Variants in CCSER1 observed in about 807,000 individuals in gnomAD.
CCSER1 encodes the protein serine-rich coiled-coil domain-containing protein 1.
In CCSER1, 41 loss-of-function variants were observed where a neutral mutation model predicts 82.0. The observed-to-expected ratio is 0.50, with a 90% CI of 0.39 to 0.65. The LOEUF (loss-of-function observed/expected upper bound fraction) is 0.65, where lower values mean the gene tolerates loss of function less well. Among genes scored for constraint, CCSER1 ranks in the 30% least tolerant of loss-of-function variants. The pLI, the probability that CCSER1 is intolerant of heterozygous loss-of-function variation, is 0.00. For synonymous variants in CCSER1, 414 were observed against 383.9 expected (o/e 1.08, Z -0.92); for missense variants, 1,119 against 1,064.2 (o/e 1.05, Z -0.72).
At chr4:90,500,449 A>C (rs1699431640) in intron 5 of CCSER1, among the ~76,000 whole-genome samples, 1 of 151,968 alleles carries the variant, frequency 6.6e-6, no homozygotes, top group Non-Finnish European at 1.5e-5. Flanking sequence ...CTGGTGCCTC[A>C]GCCCCCTGAG....
chr4:90,537,626 T>A (rs1279783760), intron 5 of CCSER1, among the ~76,000 whole-genome samples: 1 of 152,204 alleles, frequency 6.6e-6, no homozygotes, highest in Non-Finnish European at 1.5e-5. Flanking sequence ...GTGGTTGCTT[T>A]GTATGAAGGA....
intron 3 of CCSER1, among the ~76,000 whole-genome samples, chr4:90,386,901 G>C (rs56066724): frequency 6.6e-6 from 1 of 151,846 alleles, no homozygotes; most frequent in East Asian, 1.9e-4. Context: ...CAACTAATAT[G>C]GTGTTTTTTT....
intron 1 of CCSER1, among the ~76,000 whole-genome samples, chr4:90,299,121 CA>C (rs1560975709): frequency 6.6e-6 from 1 of 151,898 alleles, no homozygotes; most frequent in Non-Finnish European, 1.5e-5. Context: ...TTAATTAATC[CA>C]AACGACTCAT....
In CCSER1 at chr4:91,171,093, A is replaced by T. The variant is rs183794326; in HGVS notation, c.2217+85099A>T. Among the ~76,000 whole-genome samples the T allele has an allele frequency of 7.7e-4, 118 of 152,274 alleles. 5 individuals are homozygous for T. Among genetic ancestry groups the T allele is most frequent in the East Asian group, 3.9e-4 (2 of 5,190 alleles). ...TGTCTAGGACAAACTTTTTTTTTCC[A>T]AAATAGAATAGAAACATATTTGCAA... On this transcript the variant is annotated intron_variant, in intron 10 of 10. Coordinates refer to ENST00000509176, the MANE Select transcript of CCSER1 (RefSeq NM_001145065.2).
At chr4:91,280,971 T>C (rs1742869678) in intron 10 of CCSER1, among the ~76,000 whole-genome samples, 1 of 152,100 alleles carries the variant, frequency 6.6e-6, no homozygotes, top group Non-Finnish European at 1.5e-5. Flanking sequence ...CAGTGTGAGC[T>C]CCCTCTATGA....
At chr4:91,029,085 C>G (rs1161447139) in intron 9 of CCSER1, among the ~76,000 whole-genome samples, 3 of 151,802 alleles carry the variant, frequency 2.0e-5, no homozygotes, top group African/African-American at 7.3e-5. Flanking sequence ...TCAAAACAAG[C>G]TCAGGAAAAA....
At chr4:91,545,824 T>G (rs1318425455) in intron 10 of CCSER1, among the ~76,000 whole-genome samples, 1 of 152,170 alleles carries the variant, frequency 6.6e-6, no homozygotes, top group African/African-American at 2.4e-5. Flanking sequence ...AGTAAAATGT[T>G]GAAAACAGTG....
chr4:90,340,540 G>A (rs950765646), intron 3 of CCSER1, among the ~76,000 whole-genome samples: 1 of 152,026 alleles, frequency 6.6e-6, no homozygotes, highest in Non-Finnish European at 1.5e-5. Flanking sequence ...GGATTCAAAG[G>A]AAATTATAAT....
At chr4:90,523,411 G>A (rs765517055) in intron 5 of CCSER1, among the ~76,000 whole-genome samples, 3 of 151,922 alleles carry the variant, frequency 2.0e-5, no homozygotes, top group African/African-American at 4.8e-5. Flanking sequence ...TTCCTCTCTG[G>A]TACCAGCCTT....
At chr4:90,932,957 A>AGGAAAGAAAG in intron 9 of CCSER1, among the ~76,000 whole-genome samples, 1 of 40,828 alleles carries the variant, frequency 2.4e-5, no homozygotes, top group African/African-American at 2.2e-4. Context: ...AAAGAAAGAA[A>AGGAAAGAAAG]GAAAGAAAGA....
chr4:90,954,033 A>T (rs1045852565), intron 9 of CCSER1, among the ~76,000 whole-genome samples: 1 of 141,990 alleles, frequency 7.0e-6, no homozygotes, highest in African/African-American at 2.6e-5. Context: ...TTGAATGCTT[A>T]CCAATTTGGA....
At chr4:90,609,227 T>C (rs1785141200) in intron 5 of CCSER1, among the ~76,000 whole-genome samples, 1 of 152,158 alleles carries the variant, frequency 6.6e-6, no homozygotes, top group South Asian at 2.1e-4. Context: ...AAATCAGACA[T>C]AGTGTGATCA....
intron 5 of CCSER1, among the ~76,000 whole-genome samples, chr4:90,623,634 T>C (rs1038265484): frequency 1.3e-5 from 2 of 152,202 alleles, no homozygotes; most frequent in South Asian, 2.1e-4. Flanking sequence ...TATCTAAATG[T>C]ACTGTTAAGT....
At chr4:90,640,687 C>A (rs1726336364) in intron 6 of CCSER1, among the ~76,000 whole-genome samples, 1 of 152,108 alleles carries the variant, frequency 6.6e-6, no homozygotes, top group Non-Finnish European at 1.5e-5. Flanking sequence ...TTCTCCCATG[C>A]TGTTCTTGTG....
chr4:90,170,404 CTTT>C (rs60642438), intron 1 of CCSER1, among the ~76,000 whole-genome samples: 1 of 142,080 alleles, frequency 7.0e-6, no homozygotes. Flanking sequence ...AACAGCTAAC[CTTT>C]TTTTTTTTTT....
intron 1 of CCSER1, among the ~76,000 whole-genome samples, chr4:90,233,474 G>A (rs1405733755): frequency 6.6e-6 from 1 of 152,092 alleles, no homozygotes; most frequent in African/African-American, 2.4e-5. Flanking sequence ...GGACTGTTGT[G>A]GGGTGGGGAA....
At chr4:90,531,765 G>A (rs1167022320) in intron 5 of CCSER1, among the ~76,000 whole-genome samples, 1 of 151,986 alleles carries the variant, frequency 6.6e-6, no homozygotes, top group African/African-American at 2.4e-5. Flanking sequence ...ATACATACAC[G>A]CATGCATACA....
chr4:90,694,768 C>A (rs978517511), intron 6 of CCSER1, among the ~76,000 whole-genome samples: 20 of 150,184 alleles, frequency 1.3e-4, no homozygotes, highest in African/African-American at 4.9e-4. Flanking sequence ...GTATATTTGG[C>A]ACTTTCTCAA....
At chr4:91,174,875 A>G (rs6532280) in intron 10 of CCSER1, among the ~76,000 whole-genome samples, 61,042 of 150,588 alleles carry the variant, frequency 0.41, 12,643 homozygotes, top group Non-Finnish European at 0.46. Flanking sequence ...CACGACATGC[A>G]GATTTGTTAC....
Sources: allele counts gnomAD v4.1 joint callset (sites outside exome capture counted in the v4.1 genomes callset), GRCh38; gene constraint gnomAD v4.1.1; transcripts MANE v1.5; gene names NCBI Gene and HGNC (gene_info 2026-07-23, HGNC 2026-07-21).